GPAM: variants seen among roughly 807,000 people sequenced by gnomAD.
GPAM encodes the protein glycerol-3-phosphate acyltransferase 1, mitochondrial.
Under a neutral mutation model 105.0 loss-of-function variants are expected in GPAM, and 56 were observed. That is an observed-to-expected ratio of 0.53 (90% CI 0.43 to 0.67). GPAM has a LOEUF of 0.67. Among genes scored for constraint, GPAM ranks in the 30% least tolerant of loss-of-function variants. GPAM has a pLI of 0.00. For synonymous variants in GPAM, 368 were observed against 354.4 expected, an observed-to-expected ratio of 1.04 and a Z score of -0.43; for missense variants, 855 against 989.8, an observed-to-expected ratio of 0.86 and a Z score of 1.83.
chr10:112,152,643 A>C lies in GPAM; in HGVS notation c.*907T>G. On this transcript the variant is annotated 3_prime_UTR_variant, in exon 22 of 22. Coordinates refer to ENST00000348367, the MANE Select transcript of GPAM (RefSeq NM_001244949.2). ...GTCAGCTCAAGCTAATCAAGTTAGGAAAACTGCTATTTGGTTGGAGGATTT... is the reference window on the plus strand; with the variant it reads ...GTCAGCTCAAGCTAATCAAGTTAGGCAAACTGCTATTTGGTTGGAGGATTT... 1 of 985,402 alleles carries C rather than the reference A, an allele frequency of 1.0e-6. No homozygotes were observed. The highest frequency in any genetic ancestry group is 1.2e-6 in the Non-Finnish European group (1 of 829,882). 61.0% of individuals were successfully genotyped at this position (985,402 alleles called of 1,614,324 possible). A position where few individuals can be genotyped will look rare whatever the true frequency, so the allele number is the denominator to read the frequency against.
chr10:112,192,661 G>A (rs1847675797), intron 1 of GPAM, among the ~76,000 whole-genome samples: 1 of 152,236 alleles, frequency 6.6e-6, no homozygotes, highest in Non-Finnish European at 1.5e-5. Flanking sequence ...GGGTAAGTGG[G>A]AAAATGGCAG....
chr10:112,206,716 G>A (rs1188965483), intron 1 of GPAM, among the ~76,000 whole-genome samples: 1 of 150,456 alleles, frequency 6.6e-6, no homozygotes, highest in Non-Finnish European at 1.5e-5. Flanking sequence ...TATACCTAAT[G>A]ATAGATGACA....
At chr10:112,160,364 T>G (rs1040808936) in intron 16 of GPAM, 1 of 975,430 alleles carries the variant, frequency 1.0e-6, no homozygotes, top group East Asian at 1.1e-4. Context: ...AGCTCCTGGA[T>G]AGCAAGACAC....
intron 5 of GPAM, among the ~76,000 whole-genome samples, chr10:112,177,486 T>G (rs1847427768): frequency 6.6e-6 from 1 of 152,180 alleles, no homozygotes; most frequent in African/African-American, 2.4e-5. Context: ...ACACTGGTGC[T>G]TACAAGCCTA....
chr10:112,221,761 T>C, the GPAM span, among the ~76,000 whole-genome samples: 1 of 152,220 alleles, frequency 6.6e-6, no homozygotes, highest in Non-Finnish European at 1.5e-5. Flanking sequence ...AAATGCAGAC[T>C]TCTATGCCCT....
chr10:112,181,163 A>C (rs1269958812), intron 3 of GPAM, among the ~76,000 whole-genome samples: 1 of 151,656 alleles, frequency 6.6e-6, no homozygotes, highest in Non-Finnish European at 1.5e-5. Flanking sequence ...TGTTATACAG[A>C]TATAACATTC....
chr10:112,196,655 A>G (rs1036525861), intron 1 of GPAM, among the ~76,000 whole-genome samples: 1 of 152,252 alleles, frequency 6.6e-6, no homozygotes, highest in Non-Finnish European at 1.5e-5. Context: ...ACTAGCAGTC[A>G]TCATCATCTT....
upstream of GPAM, among the ~76,000 whole-genome samples, chr10:112,187,926 T>C (rs1847614516): frequency 6.6e-6 from 1 of 152,076 alleles, no homozygotes; most frequent in Non-Finnish European, 1.5e-5. Flanking sequence ...ATTTAGAAAC[T>C]CACATACTTT....
chr10:112,163,449 A>ATCATTT (rs1847158462), intron 14 of GPAM, among the ~76,000 whole-genome samples: 1 of 31,136 alleles, frequency 3.2e-5, no homozygotes, highest in African/African-American at 9.9e-5. Flanking sequence ...AATCATTTTA[A>ATCATTT]TAATAACTAT....
At chr10:112,174,616 T>C (rs1847371376) in intron 6 of GPAM, among the ~76,000 whole-genome samples, 1 of 152,136 alleles carries the variant, frequency 6.6e-6, no homozygotes, top group South Asian at 2.1e-4. Flanking sequence ...CATAATTGTG[T>C]TTTATCCCAG....
Position 112,160,488 on chromosome 10 carries a change from A to C in GPAM, c.1759+116T>G. 1.4e-5 allele frequency: 17 copies of C among 1,228,616 alleles called. 1 individual carries two copies. The South Asian group carries it at 2.0e-4, about 15-fold the overall frequency. 76.1% of individuals were successfully genotyped at this position (1,228,616 alleles called of 1,614,324 possible). A position where few individuals can be genotyped will look rare whatever the true frequency, so the allele number is the denominator to read the frequency against. ...ATTTTCGTTTGAAAACTAAAATTATAGCCACATTCCCTCAAGCAAGGGGCT... is the reference window on the plus strand; with the variant it reads ...ATTTTCGTTTGAAAACTAAAATTATCGCCACATTCCCTCAAGCAAGGGGCT... On this transcript the variant is annotated intron_variant, in intron 16 of 21. Transcript: ENST00000348367.
intron 18 of GPAM, among the ~76,000 whole-genome samples, chr10:112,157,958 G>A (rs1847046938): frequency 6.6e-6 from 1 of 152,134 alleles, no homozygotes; most frequent in Non-Finnish European, 1.5e-5. Context: ...ACTTATTTAT[G>A]AGACTGAGTC....
At chr10:112,174,720 C>A (rs529706940) in intron 6 of GPAM, among the ~76,000 whole-genome samples, 62 of 152,248 alleles carry the variant, frequency 4.1e-4, no homozygotes, top group Admixed American at 1.7e-3. Context: ...GACACTGATG[C>A]CCCCCAAGTC....
At chr10:112,155,566 G>T (rs1847001605) in intron 20 of GPAM, 1 of 319,212 alleles carries the variant, frequency 3.1e-6, no homozygotes, top group Non-Finnish European at 5.9e-6. Context: ...ATCAACAGCA[G>T]AATGAATAAA....
At chr10:112,220,913 A>G in the GPAM span, among the ~76,000 whole-genome samples, 2 of 152,206 alleles carry the variant, frequency 1.3e-5, no homozygotes, top group Admixed American at 6.5e-5. Context: ...TTATTCACAA[A>G]TTCAGAACAT....
At position 112,203,523 on chromosome 10, in the gene GPAM, C is replaced by T. The variant is rs142259341; in HGVS notation, n.210+11645G>A. Reference sequence around the variant, plus strand: ...TTTCCCACTCTGCCCCTTTCTAAGCCTTTTTTCTTGTCAGTAACAGAATGA... The same window carrying T: ...TTTCCCACTCTGCCCCTTTCTAAGCTTTTTTTCTTGTCAGTAACAGAATGA... On this transcript the variant is annotated intron_variant and non_coding_transcript_variant, in intron 1 of 3. Coordinates refer to the GPAM transcript ENST00000480130. Among the ~76,000 whole-genome samples the T allele has an allele frequency of 2.8e-4, 43 of 152,256 alleles. 1 individual carries two copies. The East Asian group carries it at 8.1e-3, about 29-fold the overall frequency.
intron 1 of GPAM, among the ~76,000 whole-genome samples, chr10:112,210,160 G>A (rs955958145): frequency 3.9e-5 from 6 of 152,232 alleles, no homozygotes; most frequent in Non-Finnish European, 8.8e-5. Context: ...GGGAACTGAA[G>A]GATGAGAGTG....
At position 112,151,213 on chromosome 10, in the gene GPAM, G is replaced by C. The variant is rs1846911797; in HGVS notation, c.*2337C>G. ...GTAAACTGTAATAAATTATTTACAA[G>C]CACCTAGTTTGTTTAACCTTATGTG... On this transcript the variant is annotated 3_prime_UTR_variant, in exon 22 of 22. Coordinates refer to ENST00000348367, the MANE Select transcript of GPAM (RefSeq NM_001244949.2). The C allele has an allele frequency of 1.0e-6, 1 of 984,024 alleles. No individual in the cohort carries two copies. The highest frequency in any genetic ancestry group is 1.2e-6 in the Non-Finnish European group (1 of 828,588). The allele number at this position is 984,024 out of a possible 1,614,324, so 61.0% of individuals were successfully genotyped here.
the GPAM span, among the ~76,000 whole-genome samples, chr10:112,222,007 T>C: frequency 6.6e-6 from 1 of 152,202 alleles, no homozygotes; most frequent in Non-Finnish European, 1.5e-5. Flanking sequence ...TACCAAAATA[T>C]TCACCAGTGA....
Sources: allele counts gnomAD v4.1 joint callset (sites outside exome capture counted in the v4.1 genomes callset), GRCh38; gene constraint gnomAD v4.1.1; transcripts MANE v1.5; gene names NCBI Gene and HGNC (gene_info 2026-07-23, HGNC 2026-07-21).